Variants in PADI2 observed in about 807,000 individuals in gnomAD.
PADI2 encodes protein-arginine deiminase type-2.
A neutral mutation model predicts 81.1 loss-of-function variants in PADI2; 70 were observed. That is an observed-to-expected ratio of 0.86 (90% CI 0.71 to 1.05). The LOEUF (loss-of-function observed/expected upper bound fraction) is 1.05, where lower values mean the gene tolerates loss of function less well. Ranked by LOEUF, PADI2 falls within the 50% of genes least tolerant of loss-of-function variation. The pLI, the probability that PADI2 is intolerant of heterozygous loss-of-function variation, is 0.00. For missense variants in PADI2, 853 were observed against 889.9 expected, an observed-to-expected ratio of 0.96 and a Z score of 0.53; for synonymous variants, 338 against 358.0, an observed-to-expected ratio of 0.94 and a Z score of 0.63.
rs1931720981 is a variant in PADI2, at chr1:17,115,433, GCC to G, written c.92+3845_92+3846del. ...CACCAGGGAGGAAAAGAAGAGCCCT[GCC>G]TTCTCGAGAACTCTCACTGACAGAG... is the stretch of plus-strand genomic sequence containing the variant. On this transcript the variant is annotated intron_variant, in intron 1 of 15. Coordinates refer to ENST00000375486, the MANE Select transcript of PADI2 (RefSeq NM_007365.3). The surrounding 1 kb of genome is among the most constrained non-coding windows in gnomAD (Gnocchi z 4.1). Among the ~76,000 whole-genome samples, 1 of 152,226 alleles carries G rather than the reference GCC, an allele frequency of 6.6e-6. No individual in the cohort carries two copies. Among genetic ancestry groups the G allele is most frequent in the African/African-American group, 2.4e-5 (1 of 41,458 alleles).
At chr1:17,093,253 G>A (rs1046841354) in intron 5 of PADI2, among the ~76,000 whole-genome samples, 2 of 151,996 alleles carry the variant, frequency 1.3e-5, no homozygotes, top group East Asian at 2.0e-4. Flanking sequence ...ATGCCACCAC[G>A]CTCAGCCAAT....
intron 2 of PADI2, among the ~76,000 whole-genome samples, chr1:17,104,206 T>C (rs904521981): frequency 5.7e-4 from 85 of 148,376 alleles, no homozygotes; most frequent in African/African-American, 2.0e-3. Context: ...AGGAGAATGG[T>C]GTGAACCTGG....
At chr1:17,074,023 TTCTA>T (rs1314391181) in intron 13 of PADI2, among the ~76,000 whole-genome samples, 5 of 152,352 alleles carry the variant, frequency 3.3e-5, no homozygotes, top group Admixed American at 6.5e-5. Flanking sequence ...TGCATCTATT[TTCTA>T]TCTCTCTTTC....
intron 15 of PADI2, 34 bp from the exon 16 acceptor site, chr1:17,069,311 A>G: frequency 2.0e-6 from 3 of 1,529,700 alleles, no homozygotes; most frequent in Non-Finnish European, 2.7e-6. Flanking sequence ...AACAGCTTCC[A>G]TTTAGTGAGC....
intron 1 of PADI2, among the ~76,000 whole-genome samples, chr1:17,109,202 T>C (rs60077897): frequency 0.012 from 1,807 of 151,774 alleles, 42 homozygotes; most frequent in African/African-American, 0.041. Context: ...CTGGCCAACA[T>C]GGCAAAACCC....
chr1:17,086,402 G>A (rs561268758), intron 7 of PADI2, 119 bp downstream of exon 7: 6 of 810,156 alleles, frequency 7.4e-6, no homozygotes, highest in East Asian at 5.5e-5. Context: ...CTCCTAGCCT[G>A]GACCCACCCC....
At chr1:17,106,265 C>T (rs1301538531) in intron 1 of PADI2, among the ~76,000 whole-genome samples, 3 of 152,006 alleles carry the variant, frequency 2.0e-5, no homozygotes, top group Admixed American at 1.3e-4. Context: ...TCAAGAACTC[C>T]GAAAGTATTT....
At chr1:17,093,080 ATTC>A (rs536299964) in intron 5 of PADI2, among the ~76,000 whole-genome samples, 18 of 150,098 alleles carry the variant, frequency 1.2e-4, no homozygotes, top group East Asian at 5.9e-4. Context: ...TTTTCTTTTT[ATTC>A]TTCTTCTTCT....
chr1:17,096,079 C>A, intron 3 of PADI2, 109 bp from the exon 4 acceptor site: 3 of 779,012 alleles, frequency 3.9e-6, no homozygotes, highest in Non-Finnish European at 6.3e-6. Flanking sequence ...CATTTGGTCA[C>A]GGGAAAGAGA....
chr1:17,084,251 T>C (rs2078368888), intron 8 of PADI2, among the ~76,000 whole-genome samples: 1 of 152,176 alleles, frequency 6.6e-6, no homozygotes, highest in African/African-American at 2.4e-5. Context: ...ACCTAGCTCA[T>C]AATAGGTGGT....
At chr1:17,076,975 G>A (rs1292041965) in intron 11 of PADI2, among the ~76,000 whole-genome samples, 8 of 152,090 alleles carry the variant, frequency 5.3e-5, no homozygotes, top group Non-Finnish European at 4.4e-5. Flanking sequence ...ATTCCTTTCT[G>A]ATCTGGCTCC....
rs755529843 is a variant in PADI2 at position 17,104,873 on chromosome 1, G to T, written c.276+5C>A. 8 of 1,564,372 alleles carry T rather than the reference G, an allele frequency of 5.1e-6. No homozygotes were observed. The South Asian group carries it at 7.9e-5, about 15-fold the overall frequency. On this transcript the variant is annotated splice_donor_5th_base_variant and intron_variant, in intron 2 of 15. Transcript: ENST00000375486. ...CCGCAGAGGCTGGACTTCCCGCCGT[G>T]GTACCTTGTCACTGCTGGCCTCGGT... is the stretch of plus-strand genomic sequence containing the variant.
chr1:17,103,012 C>T lies in PADI2; in HGVS notation c.324G>A (p.Gln108=), dbSNP rs769380045. The T allele has an allele frequency of 5.0e-6, 8 of 1,613,516 alleles. 1 individual carries two copies. The Admixed American group carries it at 1.3e-4, about 27-fold the overall frequency. The change falls in exon 3 of 16, where the codon CAG becomes CAA. Residue 108 remains glutamine, a synonymous_variant. Coordinates refer to ENST00000375486, the MANE Select transcript of PADI2 (RefSeq NM_007365.3). ...CAATGGCTGTGAGGAAGAGCCCCGC[C>T]TGGTCGATGGGAATGCTCCCTTCCT... The part of the protein sequence containing the change: ...YDEEGSIPID[Q]AGLFLTAIEI...
At chr1:17,097,120 C>A (rs1037317783) in intron 3 of PADI2, among the ~76,000 whole-genome samples, 1 of 152,160 alleles carries the variant, frequency 6.6e-6, no homozygotes, top group Non-Finnish European at 1.5e-5. Flanking sequence ...TGTGCCCGTT[C>A]CAGGTCCCCA....
At chr1:17,105,131 A>C in intron 1 of PADI2, 70 bp from the exon 2 acceptor site, 3 of 1,115,486 alleles carry the variant, frequency 2.7e-6, no homozygotes, top group East Asian at 2.7e-5. Flanking sequence ...TCAAGAGGAG[A>C]CTCCTGCTTC....
intron 11 of PADI2, among the ~76,000 whole-genome samples, chr1:17,077,413 A>G (rs2647197): frequency 0.63 from 96,027 of 151,828 alleles, 30,620 homozygotes; most frequent in Middle Eastern, 0.7. Context: ...TAGTTTCTCA[A>G]TAAATATTTG....
chr1:17,101,467 T>C (rs1931140425), intron 3 of PADI2, among the ~76,000 whole-genome samples: 1 of 152,176 alleles, frequency 6.6e-6, no homozygotes, highest in Non-Finnish European at 1.5e-5. Context: ...GGATGCTGTG[T>C]GCATGCAAGG....
chr1:17,106,103 G>C (rs1557772049), intron 1 of PADI2, among the ~76,000 whole-genome samples: 1 of 152,228 alleles, frequency 6.6e-6, no homozygotes, highest in Non-Finnish European at 1.5e-5. Context: ...TAACAGGGCA[G>C]AGGTGGGGTG....
At chr1:17,109,488 G>GTTTA (rs1231640831) in intron 1 of PADI2, among the ~76,000 whole-genome samples, 1 of 141,000 alleles carries the variant, frequency 7.1e-6, no homozygotes, top group African/African-American at 2.6e-5. Flanking sequence ...TACTACTATT[G>GTTTA]TTTATTTATT....
Sources: gnomAD v4.1 joint callset for allele counts (sites outside exome capture counted in the v4.1 genomes callset) on GRCh38, gnomAD v4.1.1 for gene constraint, Gnocchi (gnomAD v3.1) non-coding constraint, MANE v1.5 for transcripts, NCBI Gene and HGNC (gene_info 2026-07-23, HGNC 2026-07-21) for gene names.